The following RAD51B variants were observed in gnomAD, a reference collection of about 807,000 sequenced individuals.
The protein encoded by RAD51B is RAD51 paralog B.
RAD51B carries 38 observed loss-of-function variants against 42.2 expected under a neutral mutation model. The ratio of observed to expected loss-of-function variants is 0.90; its 90% CI spans 0.70 to 1.18. The LOEUF is 1.18. RAD51B is among the 50% of genes most tolerant of loss of function. The pLI is 0.00. For synonymous variants in RAD51B, 154 were observed against 145.2 expected, an observed-to-expected ratio of 1.06 and a Z score of -0.43; for missense variants, 373 against 400.7, an observed-to-expected ratio of 0.93 and a Z score of 0.59.
intron 7 of RAD51B, among the ~76,000 whole-genome samples, chr14:68,193,788 A>G (rs2079312796): frequency 6.6e-6 from 1 of 152,180 alleles, no homozygotes; most frequent in Non-Finnish European, 1.5e-5. Flanking sequence ...TTTCTGATTG[A>G]ATGTGTTAAT....
chr14:67,887,125 G>C lies in RAD51B; in HGVS notation c.677G>C (p.Gly226Ala). Residue 226 changes from glycine (G) to alanine (A), a missense_variant, in exon 7 of 11, where the codon GGC becomes GCC. Physicochemically the swap from Gly to Ala is moderately conservative, Grantham distance 60 (BLOSUM62 0). Transcript: ENST00000471583. ...AAGGAGTTTGATGCACAACTTCAAG[G>C]CAATCTCAAAGAAAGAAACAAGTTC... is the stretch of plus-strand genomic sequence containing the variant. The part of the protein sequence containing the change: ...VRKEFDAQLQ[G>A]NLKERNKFLA... 1 of 1,610,642 alleles carries C rather than the reference G, an allele frequency of 6.2e-7. No homozygotes were observed. The highest frequency in any genetic ancestry group is 1.1e-5 in the South Asian group (1 of 90,752).
chr14:67,976,158 C>A (rs1476409287), intron 7 of RAD51B, among the ~76,000 whole-genome samples: 1 of 151,446 alleles, frequency 6.6e-6, no homozygotes, highest in African/African-American at 2.4e-5. Context: ...ACTCTGCTGT[C>A]CAGGCTGGAG....
chr14:68,256,831 A>C (rs2080763874), intron 7 of RAD51B, among the ~76,000 whole-genome samples: 1 of 152,204 alleles, frequency 6.6e-6, no homozygotes, highest in Non-Finnish European at 1.5e-5. Flanking sequence ...GATTGAATAG[A>C]ATCAGATAAA....
intron 8 of RAD51B, among the ~76,000 whole-genome samples, chr14:68,360,686 A>G (rs1374418415): frequency 6.6e-6 from 1 of 152,256 alleles, no homozygotes; most frequent in Non-Finnish European, 1.5e-5. Context: ...GTCACAGCTG[A>G]CACCCCTTTA....
intron 7 of RAD51B, among the ~76,000 whole-genome samples, chr14:67,955,179 TCA>T (rs1244590387): frequency 6.6e-6 from 1 of 152,156 alleles, no homozygotes; most frequent in African/African-American, 2.4e-5. Context: ...CTAGTAAAAT[TCA>T]GTTTTACTAG....
intron 7 of RAD51B, among the ~76,000 whole-genome samples, chr14:68,217,653 A>T (rs2079843745): frequency 6.6e-6 from 1 of 152,144 alleles, no homozygotes; most frequent in Non-Finnish European, 1.5e-5. Context: ...GGCATTCTCA[A>T]GATTTTTTTC....
At chr14:68,144,898 G>C (rs2078217916) in intron 7 of RAD51B, among the ~76,000 whole-genome samples, 1 of 151,746 alleles carries the variant, frequency 6.6e-6, no homozygotes, top group African/African-American at 2.4e-5. Context: ...TATTCATATT[G>C]GGAAGATAAC....
At chr14:68,162,590 C>G (rs1211774203) in intron 7 of RAD51B, among the ~76,000 whole-genome samples, 1 of 152,122 alleles carries the variant, frequency 6.6e-6, no homozygotes, top group Non-Finnish European at 1.5e-5. Context: ...TCGAGACCAT[C>G]CTAGCTAACA....
At chr14:68,597,471 A>T (rs1269890445), downstream of RAD51B, among the ~76,000 whole-genome samples, 1 of 152,238 alleles carries the variant, frequency 6.6e-6, no homozygotes, top group Non-Finnish European at 1.5e-5. Context: ...CATAAAAAGA[A>T]CAAGATCGTG....
At chr14:68,588,373 A>T (rs954496486) in intron 10 of RAD51B, among the ~76,000 whole-genome samples, 6 of 152,234 alleles carry the variant, frequency 3.9e-5, no homozygotes, top group Admixed American at 1.3e-4. Context: ...TAGGAGATGC[A>T]GCTTCAGTCC....
intron 7 of RAD51B, among the ~76,000 whole-genome samples, chr14:67,964,520 C>T (rs1377208133): frequency 2.6e-5 from 4 of 152,010 alleles, no homozygotes; most frequent in Non-Finnish European, 5.9e-5. Flanking sequence ...CAGGGCACAC[C>T]CCAGAAAACA....
intron 7 of RAD51B, among the ~76,000 whole-genome samples, chr14:68,192,334 C>T (rs1007059583): frequency 2.0e-4 from 31 of 152,164 alleles, no homozygotes; most frequent in African/African-American, 7.5e-4. Context: ...TCTTTGGGTG[C>T]TCCTTCTTGT....
chr14:68,213,924 A>G (rs1016048495), intron 7 of RAD51B, among the ~76,000 whole-genome samples: 1 of 152,180 alleles, frequency 6.6e-6, no homozygotes, highest in African/African-American at 2.4e-5. Flanking sequence ...CTAAGAGAGT[A>G]AAAAAATCAC....
chr14:68,094,630 T>TA (rs973306025), intron 7 of RAD51B, among the ~76,000 whole-genome samples: 3 of 151,724 alleles, frequency 2.0e-5, no homozygotes, highest in African/African-American at 7.3e-5. Context: ...ATAAAGGGGG[T>TA]AAAAAAATAA....
intron 8 of RAD51B, among the ~76,000 whole-genome samples, chr14:68,305,651 G>A (rs1385237485): frequency 1.3e-5 from 2 of 152,214 alleles, no homozygotes; most frequent in Admixed American, 6.5e-5. Flanking sequence ...TGATCTTTGT[G>A]ATGGAGGCTT....
chr14:67,962,574 T>C (rs2074692089), intron 7 of RAD51B, among the ~76,000 whole-genome samples: 1 of 152,168 alleles, frequency 6.6e-6, no homozygotes, highest in Non-Finnish European at 1.5e-5. Context: ...TAAAAGAAAT[T>C]ACGGCCCAAG....
chr14:68,092,780 T>C (rs979242146), intron 7 of RAD51B, among the ~76,000 whole-genome samples: 1 of 152,166 alleles, frequency 6.6e-6, no homozygotes, highest in African/African-American at 2.4e-5. Context: ...CTTGTGCCAG[T>C]TTTCAAAGGG....
At chr14:68,542,615 T>C (rs931496320) in intron 10 of RAD51B, among the ~76,000 whole-genome samples, 2 of 152,216 alleles carry the variant, frequency 1.3e-5, no homozygotes, top group African/African-American at 4.8e-5. Context: ...GAACAATTCA[T>C]GACACATAAC....
intron 9 of RAD51B, among the ~76,000 whole-genome samples, chr14:68,435,491 G>GT (rs2085123519): frequency 1.3e-4 from 16 of 126,796 alleles, no homozygotes; most frequent in Non-Finnish European, 2.7e-4. Context: ...TGTGGTTTTT[G>GT]GTTTTTTTTT....
Sources: gnomAD v4.1 joint callset for allele counts (sites outside exome capture counted in the v4.1 genomes callset) on GRCh38, gnomAD v4.1.1 for gene constraint, MANE v1.5 for transcripts, NCBI Gene and HGNC (gene_info 2026-07-23, HGNC 2026-07-21) for gene names.